Variants in PTPRD observed in about 807,000 individuals in gnomAD.
PTPRD encodes the protein protein tyrosine phosphatase receptor type D.
A neutral mutation model predicts 214.5 loss-of-function variants in PTPRD; 34 were observed. That is an observed-to-expected ratio of 0.16 (90% CI 0.12 to 0.21). PTPRD has a LOEUF of 0.21. Among genes scored for constraint, PTPRD ranks in the 10% least tolerant of loss-of-function variants. The pLI, the probability that PTPRD is intolerant of heterozygous loss-of-function variation, is 1.00. For synonymous variants in PTPRD, 1,128 were observed against 845.7 expected, an observed-to-expected ratio of 1.33 and a Z score of -5.79; for missense variants, 2,545 against 2,398.7, an observed-to-expected ratio of 1.06 and a Z score of -1.27.
At chr9:9,061,500 C>A (rs554997686) in intron 10 of PTPRD, among the ~76,000 whole-genome samples, 5 of 152,042 alleles carry the variant, frequency 3.3e-5, no homozygotes, top group African/African-American at 9.7e-5. Flanking sequence ...AGCTGCCTTC[C>A]TCCTTTTCTC....
intron 11 of PTPRD, among the ~76,000 whole-genome samples, chr9:9,001,663 G>C (rs954785782): frequency 6.6e-6 from 1 of 151,882 alleles, no homozygotes; most frequent in Non-Finnish European, 1.5e-5. Flanking sequence ...GAGGTTTTTT[G>C]GACTACCATT....
intron 2 of PTPRD, among the ~76,000 whole-genome samples, chr9:10,406,652 T>C (rs1207936333): frequency 6.6e-6 from 1 of 151,652 alleles, no homozygotes; most frequent in Non-Finnish European, 1.5e-5. Context: ...ACTTTAGCTG[T>C]AAATATCTAT....
At chr9:9,744,288 C>G (rs16930183) in intron 6 of PTPRD, among the ~76,000 whole-genome samples, 1 of 152,036 alleles carries the variant, frequency 6.6e-6, no homozygotes, top group Non-Finnish European at 1.5e-5. Flanking sequence ...GGAAATGAGT[C>G]GTTTTAGAGT....
chr9:9,152,559 GA>G (rs145249980), intron 10 of PTPRD, among the ~76,000 whole-genome samples: 5,096 of 152,276 alleles, frequency 0.033, 297 homozygotes, highest in African/African-American at 0.12. Context: ...AGGAAAAAAA[GA>G]AAACGAAGTT....
At chr9:8,668,202 C>A (rs950288249) in intron 12 of PTPRD, among the ~76,000 whole-genome samples, 1 of 152,080 alleles carries the variant, frequency 6.6e-6, no homozygotes, top group Non-Finnish European at 1.5e-5. Context: ...GTCATGCTAC[C>A]TAAAGAGGTA....
At chr9:9,064,609 T>G (rs1258098593) in intron 10 of PTPRD, among the ~76,000 whole-genome samples, 1 of 152,170 alleles carries the variant, frequency 6.6e-6, no homozygotes, top group East Asian at 1.9e-4. Flanking sequence ...TCAAGAACTG[T>G]CCCACACCAA....
chr9:8,957,973 C>A (rs113869892), intron 11 of PTPRD, among the ~76,000 whole-genome samples: 1 of 151,746 alleles, frequency 6.6e-6, no homozygotes, highest in African/African-American at 2.4e-5. Context: ...CAGAAGATCA[C>A]AAAGAAGTGA....
intron 2 of PTPRD, among the ~76,000 whole-genome samples, chr9:10,441,650 A>G (rs979998597): frequency 5.9e-5 from 9 of 151,566 alleles, no homozygotes; most frequent in African/African-American, 2.2e-4. Context: ...TGGTATTTAC[A>G]CTTAACCATA....
At chr9:9,595,765 T>C (rs1472238416) in intron 7 of PTPRD, among the ~76,000 whole-genome samples, 1 of 151,592 alleles carries the variant, frequency 6.6e-6, no homozygotes, top group Non-Finnish European at 1.5e-5. Flanking sequence ...GACATAAGAA[T>C]GATACAATGG....
intron 12 of PTPRD, among the ~76,000 whole-genome samples, chr9:8,716,839 G>A (rs553960358): frequency 6.6e-6 from 1 of 152,154 alleles, no homozygotes; most frequent in Non-Finnish European, 1.5e-5. Context: ...CCCAGTATTG[G>A]AATGTAGGGG....
At chr9:9,777,433 G>T (rs2098807223) in intron 5 of PTPRD, among the ~76,000 whole-genome samples, 1 of 152,044 alleles carries the variant, frequency 6.6e-6, no homozygotes, top group South Asian at 2.1e-4. Flanking sequence ...GGTGGCTAAT[G>T]CTTGTAATCC....
chr9:8,382,237 C>T (rs1465974211), intron 37 of PTPRD, among the ~76,000 whole-genome samples: 1 of 152,228 alleles, frequency 6.6e-6, no homozygotes, highest in East Asian at 1.9e-4. Context: ...TCAGCCTTTC[C>T]AGACATTCTG....
At chr9:10,119,043 A>G (rs1463344350) in intron 3 of PTPRD, among the ~76,000 whole-genome samples, 2 of 151,910 alleles carry the variant, frequency 1.3e-5, no homozygotes, top group Non-Finnish European at 2.9e-5. Context: ...TAGACTAACC[A>G]GGGCATTAAA....
intron 5 of PTPRD, among the ~76,000 whole-genome samples, chr9:9,933,202 G>C (rs1308867299): frequency 2.0e-5 from 3 of 152,170 alleles, no homozygotes; most frequent in Non-Finnish European, 4.4e-5. Flanking sequence ...ACATCATAAT[G>C]ACAGGATCAA....
intron 4 of PTPRD, among the ~76,000 whole-genome samples, chr9:10,000,904 G>C (rs1308023263): frequency 6.6e-6 from 1 of 152,080 alleles, no homozygotes; most frequent in Non-Finnish European, 1.5e-5. Flanking sequence ...GGAGGGTCAG[G>C]TTTTTCTGGG....
At chr9:10,603,780 A>G (rs2078575701) in intron 2 of PTPRD, among the ~76,000 whole-genome samples, 1 of 151,874 alleles carries the variant, frequency 6.6e-6, no homozygotes. Context: ...ATAAAATTCA[A>G]GAAACCAAGA....
intron 11 of PTPRD, among the ~76,000 whole-genome samples, chr9:8,981,221 A>G (rs2099311062): frequency 6.6e-6 from 1 of 151,616 alleles, no homozygotes; most frequent in Non-Finnish European, 1.5e-5. Context: ...AGAGCTCAGC[A>G]TAGAGATTAA....
At chr9:8,873,860 T>G (rs1257660416) in intron 11 of PTPRD, among the ~76,000 whole-genome samples, 1 of 152,034 alleles carries the variant, frequency 6.6e-6, no homozygotes, top group Non-Finnish European at 1.5e-5. Flanking sequence ...GAGGGTAGAC[T>G]CCATACTAAC....
chr9:10,051,337 G>T (rs1434604651), intron 3 of PTPRD, among the ~76,000 whole-genome samples: 1 of 152,042 alleles, frequency 6.6e-6, no homozygotes. Context: ...TTCTCCTACT[G>T]TGAGCCCTCT....
Sources: gnomAD v4.1 joint callset for allele counts (sites outside exome capture counted in the v4.1 genomes callset) on GRCh38, gnomAD v4.1.1 for gene constraint, MANE v1.5 for transcripts, NCBI Gene and HGNC (gene_info 2026-07-23, HGNC 2026-07-21) for gene names.